The following FHIT variants were observed in gnomAD, a reference collection of about 807,000 sequenced individuals.
FHIT encodes the protein fragile histidine triad diadenosine triphosphatase, also known as bis(5'-adenosyl)-triphosphatase.
A neutral mutation model predicts 17.9 loss-of-function variants in FHIT; 19 were observed. The ratio of observed to expected loss-of-function variants is 1.06; its 90% confidence interval spans 0.74 to 1.56. The LOEUF is 1.56. Among genes scored for constraint, FHIT ranks in the 40% most tolerant of loss-of-function variants. FHIT has a pLI of 0.00. For synonymous variants in FHIT, 81 were observed against 69.7 expected (o/e 1.16, Z -0.81); for missense variants, 248 against 189.2 (o/e 1.31, Z -1.82).
chr3:60,393,034 A>G (rs1029356310), intron 5 of FHIT, among the ~76,000 whole-genome samples: 7 of 152,058 alleles, frequency 4.6e-5, no homozygotes, highest in African/African-American at 1.4e-4. Flanking sequence ...AATGAGGACA[A>G]TTTTGTGAGA....
At chr3:61,240,085 A>G (rs1374373811) in intron 1 of FHIT, among the ~76,000 whole-genome samples, 1 of 152,020 alleles carries the variant, frequency 6.6e-6, no homozygotes, top group Non-Finnish European at 1.5e-5. Context: ...GAAGTTCAAG[A>G]GGCTAGAGGA....
chr3:60,227,070 T>C (rs1457972163), intron 5 of FHIT, among the ~76,000 whole-genome samples: 1 of 152,136 alleles, frequency 6.6e-6, no homozygotes, highest in Non-Finnish European at 1.5e-5. Flanking sequence ...TCTCCCCATT[T>C]GTATAATGGA....
chr3:60,407,262 G>T (rs1201494718), intron 5 of FHIT, among the ~76,000 whole-genome samples: 1 of 151,480 alleles, frequency 6.6e-6, no homozygotes, highest in Non-Finnish European at 1.5e-5. Context: ...CTTGTGCTTC[G>T]GTTGCTAAGT....
chr3:60,413,586 C>T (rs1037979625), intron 5 of FHIT, among the ~76,000 whole-genome samples: 34 of 152,084 alleles, frequency 2.2e-4, no homozygotes, highest in African/African-American at 8.0e-4. Context: ...ATGGAAATGT[C>T]TATAGTGGTA....
chr3:60,463,689 T>G (rs1003025648), intron 5 of FHIT, among the ~76,000 whole-genome samples: 1 of 152,158 alleles, frequency 6.6e-6, no homozygotes, highest in Non-Finnish European at 1.5e-5. Context: ...CCCAGAGAAG[T>G]TGCCCAGAAA....
intron 8 of FHIT, among the ~76,000 whole-genome samples, chr3:59,855,129 T>C (rs890190601): frequency 6.6e-6 from 1 of 152,214 alleles, no homozygotes; most frequent in African/African-American, 2.4e-5. Flanking sequence ...CAGGGTTCTT[T>C]TGAGGATACA....
intron 5 of FHIT, among the ~76,000 whole-genome samples, chr3:60,152,855 C>A (rs73834004): frequency 0.11 from 16,045 of 152,174 alleles, 1,234 homozygotes; most frequent in African/African-American, 0.21. Context: ...CATGATGTCT[C>A]CCTGCTTTAA....
intron 2 of FHIT, among the ~76,000 whole-genome samples, chr3:61,052,083 T>G (rs892072122): frequency 6.6e-6 from 1 of 152,236 alleles, no homozygotes; most frequent in African/African-American, 2.4e-5. Context: ...AGGCTACCAC[T>G]GAATTTTGTT....
intron 8 of FHIT, among the ~76,000 whole-genome samples, chr3:59,794,358 C>T (rs780718791): frequency 1.1e-4 from 16 of 152,286 alleles, no homozygotes; most frequent in African/African-American, 3.1e-4. Flanking sequence ...TTCAGATACT[C>T]GCATGTTATT....
At chr3:60,365,035 T>C (rs1395853650) in intron 5 of FHIT, among the ~76,000 whole-genome samples, 1 of 147,992 alleles carries the variant, frequency 6.8e-6, no homozygotes, top group East Asian at 2.0e-4. Flanking sequence ...TTTGTATGTA[T>C]GTATCTATCT....
intron 3 of FHIT, among the ~76,000 whole-genome samples, chr3:61,036,836 C>T (rs1356355883): frequency 6.6e-6 from 1 of 151,442 alleles, no homozygotes. Flanking sequence ...GAGTTCTGGG[C>T]TTTCTCACTG....
In FHIT at chr3:60,508,379, G is replaced by A. The variant is rs183807435; in HGVS notation, c.103+28481C>T. ...GAATTTGACTTAATTTATCAATTAG[G>A]TTTGACTACTTGAAAATAACCCATA... On this transcript the variant is annotated intron_variant, in intron 5 of 9. Transcript: ENST00000492590. 3.1e-3 allele frequency among the ~76,000 whole-genome samples: 467 copies of A among 152,212 alleles called. 2 individuals are homozygous for A. The highest frequency in any genetic ancestry group is 5.1e-3 in the Non-Finnish European group (348 of 67,998).
At chr3:60,994,856 C>T (rs1052246921) in intron 3 of FHIT, among the ~76,000 whole-genome samples, 2 of 152,218 alleles carry the variant, frequency 1.3e-5, no homozygotes, top group Admixed American at 1.3e-4. Context: ...ACAGCTGCAG[C>T]TGAGCTCCAG....
At chr3:60,103,054 T>C (rs1265270263) in intron 5 of FHIT, among the ~76,000 whole-genome samples, 1 of 152,186 alleles carries the variant, frequency 6.6e-6, no homozygotes, top group East Asian at 1.9e-4. Context: ...TAAGACCCCA[T>C]TGCTTCTTTT....
chr3:60,518,574 T>C (rs1180935206), intron 5 of FHIT, among the ~76,000 whole-genome samples: 1 of 152,216 alleles, frequency 6.6e-6, no homozygotes, highest in Non-Finnish European at 1.5e-5. Context: ...CAAGTAGTGA[T>C]TCCAGTTTAA....
chr3:60,922,655 A>T (rs1033886525), intron 3 of FHIT, among the ~76,000 whole-genome samples: 1 of 152,146 alleles, frequency 6.6e-6, no homozygotes, highest in Non-Finnish European at 1.5e-5. Flanking sequence ...TGTTTACTCA[A>T]CCATGTTATC....
chr3:60,501,252 G>C (rs997733184), intron 5 of FHIT, among the ~76,000 whole-genome samples: 2 of 152,074 alleles, frequency 1.3e-5, no homozygotes, highest in Non-Finnish European at 2.9e-5. Context: ...TTCAATATAC[G>C]TTTAATGTTT....
chr3:60,306,769 G>T lies in FHIT; in HGVS notation c.103+230091C>A, dbSNP rs373414316. 6.9e-4 allele frequency among the ~76,000 whole-genome samples: 105 copies of T among 152,226 alleles called. 4 individuals are homozygous for T. In the South Asian group the frequency reaches 0.021, roughly 31 times the overall value. ...ACATTACATGATTTTACAAATTTAA[G>T]GGAATGTGTAGAAGGAGTACTAATC... On this transcript the variant is annotated intron_variant, in intron 5 of 9. Transcript: ENST00000492590.
intron 5 of FHIT, among the ~76,000 whole-genome samples, chr3:60,131,400 G>A (rs1699591161): frequency 6.6e-6 from 1 of 151,936 alleles, no homozygotes; most frequent in South Asian, 2.1e-4. Flanking sequence ...CAGAGCCCAT[G>A]GATACAGAGG....
Sources: gnomAD v4.1 joint callset for allele counts (sites outside exome capture counted in the v4.1 genomes callset) on GRCh38, gnomAD v4.1.1 for gene constraint, MANE v1.5 for transcripts, NCBI Gene and HGNC (gene_info 2026-07-23, HGNC 2026-07-21) for gene names.